RBFOX1: variants seen among roughly 807,000 people sequenced by gnomAD.
The protein encoded by RBFOX1 is RNA binding fox-1 homolog 1, also known as RNA binding protein fox-1 homolog 1.
RBFOX1 carries 8 observed loss-of-function variants against 57.7 expected under a neutral mutation model. The ratio of observed to expected loss-of-function variants is 0.14; its 90% CI spans 0.08 to 0.25. The LOEUF is 0.25. RBFOX1 is among the 10% of genes least tolerant of loss of function. The pLI is 1.00. For synonymous variants in RBFOX1, 326 were observed against 222.4 expected (o/e 1.47, Z -4.15); for missense variants, 611 against 548.5 (o/e 1.11, Z -1.14).
chr16:6,683,440 A>T (rs1372896225), intron 3 of RBFOX1, among the ~76,000 whole-genome samples: 4 of 152,214 alleles, frequency 2.6e-5, no homozygotes, highest in Non-Finnish European at 5.9e-5. Context: ...GGATATATCT[A>T]TGTCTTTCAA....
At chr16:6,675,333 C>T (rs1215567674) in intron 3 of RBFOX1, among the ~76,000 whole-genome samples, 1 of 152,128 alleles carries the variant, frequency 6.6e-6, no homozygotes, top group Non-Finnish European at 1.5e-5. Context: ...GGTGCTCTTG[C>T]AAATGTCATC....
chr16:7,074,934 A>G (rs2058033178), intron 4 of RBFOX1, among the ~76,000 whole-genome samples: 1 of 152,154 alleles, frequency 6.6e-6, no homozygotes, highest in Admixed American at 6.5e-5. Flanking sequence ...CTGGGATTGG[A>G]AATGGTGAGG....
intron 4 of RBFOX1, among the ~76,000 whole-genome samples, chr16:7,171,074 G>A (rs1368866773): frequency 6.6e-6 from 1 of 152,098 alleles, no homozygotes; most frequent in African/African-American, 2.4e-5. Context: ...ATTTCTTGTT[G>A]GAGGTCCAGC....
At chr16:7,114,300 A>T (rs527980303) in intron 4 of RBFOX1, among the ~76,000 whole-genome samples, 3 of 152,142 alleles carry the variant, frequency 2.0e-5, no homozygotes, top group African/African-American at 7.2e-5. Context: ...TCAAACTGCA[A>T]TGAAAAAAAT....
chr16:5,801,365 T>A (rs1052201097), intron 3 of RBFOX1, among the ~76,000 whole-genome samples: 9 of 148,818 alleles, frequency 6.0e-5, no homozygotes, highest in Admixed American at 4.7e-4. Flanking sequence ...TCAATTTGAG[T>A]TTCGGGGTAA....
At chr16:6,014,115 A>G, upstream of RBFOX1, among the ~76,000 whole-genome samples, 1 of 152,308 alleles carries the variant, frequency 6.6e-6, no homozygotes, top group East Asian at 1.9e-4. Context: ...AGTATAATAA[A>G]AAAATTAAAA....
chr16:6,710,320 C>T (rs1200747779), intron 3 of RBFOX1, among the ~76,000 whole-genome samples: 3 of 152,172 alleles, frequency 2.0e-5, no homozygotes, highest in East Asian at 3.9e-4. Flanking sequence ...TTAATGACTG[C>T]ATTTTTTAAC....
chr16:7,169,987 C>T lies in RBFOX1; in HGVS notation c.27+117889C>T, dbSNP rs573591443. Among the ~76,000 whole-genome samples the T allele has an allele frequency of 3.6e-4, 55 of 152,198 alleles. No individual in the cohort carries two copies. The South Asian group carries it at 0.011, about 30-fold the overall frequency. Reference sequence around the variant, plus strand: ...ACTTGGGAGGATCAGGTAGGAGGATCACTTGAGCCTGGGGAGGCAGAGGTT... The same window carrying T: ...ACTTGGGAGGATCAGGTAGGAGGATTACTTGAGCCTGGGGAGGCAGAGGTT... On this transcript the variant is annotated intron_variant, in intron 4 of 15. Transcript: ENST00000550418.
At chr16:7,136,086 C>T (rs978558834) in intron 4 of RBFOX1, among the ~76,000 whole-genome samples, 3 of 152,206 alleles carry the variant, frequency 2.0e-5, no homozygotes, top group Non-Finnish European at 4.4e-5. Context: ...AAAGACTAAA[C>T]ACCTTGCAGG....
At chr16:7,550,951 G>T (rs751276108) in intron 5 of RBFOX1, among the ~76,000 whole-genome samples, 26 of 151,680 alleles carry the variant, frequency 1.7e-4, no homozygotes, top group Non-Finnish European at 3.1e-4. Flanking sequence ...AAAATTAGCC[G>T]GGCATGGTGG....
chr16:5,366,313 A>ATGATGATGATGATGATTT, intron 1 of RBFOX1: 1 of 340,698 alleles, frequency 2.9e-6, no homozygotes, highest in Admixed American at 3.9e-5. Flanking sequence ...GATGATGAAG[A>ATGATGATGATGATGATTT]TGATGATGAT....
chr16:7,051,971 T>G, intron 3 of RBFOX1, 86 bp from the exon 4 acceptor site: 3 of 1,543,844 alleles, frequency 1.9e-6, no homozygotes, highest in Non-Finnish European at 2.6e-6. Flanking sequence ...TTGAGCTGAG[T>G]AATTAAAAGT....
chr16:6,557,377 C>T (rs1295971063), intron 2 of RBFOX1, among the ~76,000 whole-genome samples: 5 of 152,072 alleles, frequency 3.3e-5, no homozygotes, highest in African/African-American at 1.2e-4. Context: ...ATACTCAAAT[C>T]GTATTACATC....
intron 2 of RBFOX1, chr16:6,483,733 G>A (rs998596377): frequency 7.0e-7 from 1 of 1,430,090 alleles, no homozygotes; most frequent in African/African-American, 1.4e-5. Flanking sequence ...TGACATTTTT[G>A]GCTGCCTGTG....
At chr16:6,398,276 G>A (rs1382867693) in intron 2 of RBFOX1, among the ~76,000 whole-genome samples, 3 of 151,936 alleles carry the variant, frequency 2.0e-5, no homozygotes, top group African/African-American at 7.3e-5. Flanking sequence ...TCGAGATTTC[G>A]GTATAGCCAA....
chr16:5,759,732 C>T (rs1444042458), intron 3 of RBFOX1, among the ~76,000 whole-genome samples: 2 of 152,142 alleles, frequency 1.3e-5, no homozygotes, highest in Non-Finnish European at 2.9e-5. Context: ...TGGCAGTTAC[C>T]ACTTTGGCTG....
chr16:5,889,500 T>C (rs1364252568), intron 4 of RBFOX1, among the ~76,000 whole-genome samples: 1 of 152,250 alleles, frequency 6.6e-6, no homozygotes, highest in African/African-American at 2.4e-5. Context: ...ATGTCTTTAC[T>C]ATGTGAAATA....
At chr16:7,359,137 A>G (rs545961110) in intron 4 of RBFOX1, among the ~76,000 whole-genome samples, 6 of 152,282 alleles carry the variant, frequency 3.9e-5, no homozygotes, top group Middle Eastern at 3.4e-3. Context: ...TTTGGGTCCA[A>G]TTCCTAGCCA....
At chr16:5,474,782 C>A (rs1321807396) in intron 2 of RBFOX1, among the ~76,000 whole-genome samples, 1 of 152,122 alleles carries the variant, frequency 6.6e-6, no homozygotes, top group Non-Finnish European at 1.5e-5. Context: ...TGGTTAGGAT[C>A]TTCCAGAGTT....
Sources: allele counts gnomAD v4.1 joint callset (sites outside exome capture counted in the v4.1 genomes callset), GRCh38; gene constraint gnomAD v4.1.1; transcripts MANE v1.5; gene names NCBI Gene and HGNC (gene_info 2026-07-23, HGNC 2026-07-21).